The following KCNK10 variants were observed in gnomAD, a reference collection of about 807,000 sequenced individuals.
KCNK10 encodes the protein potassium channel subfamily K member 10.
Under a neutral mutation model 47.7 loss-of-function variants are expected in KCNK10, and 25 were observed. The ratio of observed to expected loss-of-function variants is 0.52; its 90% CI spans 0.38 to 0.73. KCNK10 has a LOEUF of 0.73. Among genes scored for constraint, KCNK10 ranks in the 30% least tolerant of loss-of-function variants. The pLI is 0.00. For missense variants in KCNK10, 563 were observed against 714.5 expected, an observed-to-expected ratio of 0.79 and a Z score of 2.42; for synonymous variants, 303 against 285.6, an observed-to-expected ratio of 1.06 and a Z score of -0.61.
intron 3 of KCNK10, among the ~76,000 whole-genome samples, chr14:88,236,281 T>A (rs1337201467): frequency 6.6e-6 from 1 of 151,472 alleles, no homozygotes; most frequent in Non-Finnish European, 1.5e-5. Context: ...CATACCACTG[T>A]ACTCCAGCCT....
At chr14:88,189,249 G>A (rs777112588) in intron 5 of KCNK10, among the ~76,000 whole-genome samples, 12 of 152,168 alleles carry the variant, frequency 7.9e-5, no homozygotes, top group Admixed American at 3.9e-4. Context: ...CATGAGGCTC[G>A]ACAGCTGCTG....
chr14:88,181,161 C>G lies in KCNK10; in HGVS notation c.*4374G>C. ...CAGAAACCCTGGTACACACTGGATG[C>G]TTCATATTCTCACCAAATCCAGTGG... On this transcript the variant is annotated 3_prime_UTR_variant, in exon 7 of 7. Transcript: ENST00000319231. The G allele has an allele frequency of 4.5e-6, 1 of 221,850 alleles. No homozygotes were observed. Among genetic ancestry groups the G allele is most frequent in the East Asian group, 9.0e-5 (1 of 11,102 alleles). 13.7% of individuals were successfully genotyped at this position (221,850 alleles called of 1,614,324 possible). A position where few individuals can be genotyped will look rare whatever the true frequency, so the allele number is the denominator to read the frequency against.
rs745846560 is a variant in KCNK10 at position 88,188,101 on chromosome 14, C to A, written c.877G>T (p.Ala293Ser). Residue 293 changes from alanine to serine, a missense_variant, in exon 6 of 7, where the codon GCT (alanine) becomes TCT (serine). By Grantham distance (99) the Ala-to-Ser change is moderately conservative. Transcript: ENST00000319231. ...GFGDFVAGGN[A>S]GINYREWYKP... ...TACCACTCCCGATAATTGATGCCAGCGTTTCCCCCTGAAAACAACCAAATG... is the reference window on the plus strand; with the variant it reads ...TACCACTCCCGATAATTGATGCCAGAGTTTCCCCCTGAAAACAACCAAATG... The A allele has an allele frequency of 2.7e-5, 44 of 1,614,054 alleles. No individual in the cohort carries two copies. Among genetic ancestry groups the A allele is most frequent in the Non-Finnish European group, 3.3e-5 (39 of 1,180,022 alleles).
intron 4 of KCNK10, among the ~76,000 whole-genome samples, chr14:88,218,242 G>T (rs1032055686): frequency 5.3e-5 from 8 of 152,154 alleles, no homozygotes; most frequent in Non-Finnish European, 1.0e-4. Flanking sequence ...GAAGCTTCCT[G>T]CCAATTGTGT....
intron 4 of KCNK10, among the ~76,000 whole-genome samples, chr14:88,217,204 T>C (rs1042160534): frequency 2.0e-5 from 3 of 152,164 alleles, no homozygotes; most frequent in African/African-American, 7.2e-5. Flanking sequence ...TTAATCCTAC[T>C]GAGTTAGTTG....
chr14:88,191,578 C>T (rs1402665647), intron 5 of KCNK10, among the ~76,000 whole-genome samples: 2 of 152,190 alleles, frequency 1.3e-5, no homozygotes, highest in African/African-American at 2.4e-5. Context: ...TTTGCAATTT[C>T]CCTGGCCCTA....
Position 88,195,785 on chromosome 14 carries a change from G to A in KCNK10, c.682-3375C>T, listed in dbSNP as rs142077199. Among the ~76,000 whole-genome samples the A allele has an allele frequency of 3.8e-3, 573 of 152,206 alleles. 3 individuals are homozygous for A. Among genetic ancestry groups the A allele is most frequent in the Non-Finnish European group, 6.2e-3 (419 of 68,024 alleles). On this transcript the variant is annotated intron_variant, in intron 4 of 6. Transcript: ENST00000319231. ...GCCAAGAATTGCAGATAACGTTTGC[G>A]ATGTCAGGAACCAGCTGCAGAGGGA...
At chr14:88,265,374 A>G (rs556922995) in intron 1 of KCNK10, among the ~76,000 whole-genome samples, 1 of 152,240 alleles carries the variant, frequency 6.6e-6, no homozygotes, top group East Asian at 1.9e-4. Flanking sequence ...ACAGATACAC[A>G]GGTTGGAGTG....
upstream of KCNK10, chr14:88,323,831 CCTT>C (rs1173640940): frequency 6.6e-6 from 1 of 152,438 alleles, no homozygotes; most frequent in Non-Finnish European, 1.5e-5. Context: ...AGCTCTCCCT[CCTT>C]CTCTTTTCTC....
At position 88,240,755 on chromosome 14, in the gene KCNK10, G is replaced by A; in HGVS notation, c.468C>T (p.His156=). ...AGAAAAAGGCACTGCCGAGGTCCCAGTGGCTGCTGTTGTTGGAAGAGTTTC... is the reference window on the plus strand; with the variant it reads ...AGAAAAAGGCACTGCCGAGGTCCCAATGGCTGCTGTTGTTGGAAGAGTTTC... ...PIGNSSNNSS[H]WDLGSAFFFA... is the part of the protein sequence containing the mutation. Residue 156 remains histidine (H), a synonymous_variant, in exon 3 of 7, where the codon CAC becomes CAT. Coordinates refer to ENST00000319231, the MANE Select transcript of KCNK10 (RefSeq NM_138317.3). 1 of 1,613,966 alleles carries A rather than the reference G, an allele frequency of 6.2e-7. No homozygotes were observed. Among genetic ancestry groups the A allele is most frequent in the Non-Finnish European group, 8.5e-7 (1 of 1,179,866 alleles).
At position 88,314,858 on chromosome 14, in the gene KCNK10, G is replaced by A. The variant is rs775511932; in HGVS notation, c.52+7889C>T. On this transcript the variant is annotated intron_variant, in intron 1 of 6. Transcript: ENST00000319231. ...GTAATCCACATAACAAACCAAAGAA[G>A]TAATGGCTGTAATTATCCCTATCTT... 5.3e-5 allele frequency among the ~76,000 whole-genome samples: 8 copies of A among 152,332 alleles called. No individual in the cohort carries two copies. In the East Asian group the frequency reaches 1.3e-3, roughly 26 times the overall value.
chr14:88,261,613 G>A (rs1379920593), intron 2 of KCNK10, among the ~76,000 whole-genome samples: 1 of 152,108 alleles, frequency 6.6e-6, no homozygotes, highest in Non-Finnish European at 1.5e-5. Flanking sequence ...AAGTAGCCAG[G>A]CATGGTGGCA....
Position 88,322,122 on chromosome 14 carries a change from C to T in KCNK10, c.52+625G>A, listed in dbSNP as rs1888558710. Among the ~76,000 whole-genome samples the T allele has an allele frequency of 6.6e-6, 1 of 152,186 alleles. No homozygotes were observed. Among genetic ancestry groups the T allele is most frequent in the South Asian group, 2.1e-4 (1 of 4,826 alleles). ...TCCCCTATGCCTTGCCAGCCCCACC[C>T]TTCTCACAAACCACCCCTCCTCCTG... is the stretch of plus-strand genomic sequence containing the variant. On this transcript the variant is annotated intron_variant, in intron 1 of 6. Coordinates refer to ENST00000319231, the MANE Select transcript of KCNK10 (RefSeq NM_138317.3). The surrounding 1 kb of genome is among the most constrained non-coding windows in gnomAD (Gnocchi z 4.8).
At chr14:88,269,857 T>C (rs1887360384) in intron 1 of KCNK10, among the ~76,000 whole-genome samples, 1 of 152,140 alleles carries the variant, frequency 6.6e-6, no homozygotes, top group South Asian at 2.1e-4. Flanking sequence ...TATGACAAGC[T>C]AACAAGCAGG....
At chr14:88,212,130 A>ATATATATATATATATATATATC (rs1276083938) in intron 4 of KCNK10, among the ~76,000 whole-genome samples, 1 of 66,542 alleles carries the variant, frequency 1.5e-5, no homozygotes, top group East Asian at 4.3e-4. Context: ...ATATATATAT[A>ATATATATATATATATATATATC]TCGAGAGAGA....
At chr14:88,252,450 G>T (rs916376980) in intron 2 of KCNK10, among the ~76,000 whole-genome samples, 2 of 152,172 alleles carry the variant, frequency 1.3e-5, no homozygotes, top group East Asian at 1.9e-4. Context: ...AGTGACTCGG[G>T]TCTTGGCAGA....
chr14:88,197,152 T>C (rs561940028), intron 4 of KCNK10, among the ~76,000 whole-genome samples: 136 of 152,330 alleles, frequency 8.9e-4, no homozygotes, highest in African/African-American at 3.2e-3. Context: ...AAGACACCTA[T>C]GACAGACTGG....
chr14:88,192,248 C>T lies in KCNK10; in HGVS notation c.844G>A (p.Val282Met). The T allele has an allele frequency of 6.2e-7, 1 of 1,613,484 alleles. No homozygotes were observed. The highest frequency in any genetic ancestry group is 1.1e-5 in the South Asian group (1 of 90,958). Residue 282 changes from valine to methionine, a missense_variant, in exon 5 of 7, where the codon GTG becomes ATG. Physicochemically the swap from Val to Met is conservative, Grantham distance 21. Transcript: ENST00000319231. ...CCTGCCACAAAATCACCAAAGCCCA[C>T]CGTGGTCAGAGTGACCACCACAAAG... ...IYFVVVTLTT[V>M]GFGDFVAGGN... is the part of the protein sequence containing the mutation.
intron 1 of KCNK10, among the ~76,000 whole-genome samples, chr14:88,302,534 AC>A (rs1173477304): frequency 2.6e-5 from 4 of 152,126 alleles, no homozygotes; most frequent in Non-Finnish European, 4.4e-5. Context: ...ACATGGTGAA[AC>A]CCTGTCTCTA....
Sources: gnomAD v4.1 joint callset for allele counts (sites outside exome capture counted in the v4.1 genomes callset) on GRCh38, gnomAD v4.1.1 for gene constraint, Gnocchi (gnomAD v3.1) non-coding constraint, MANE v1.5 for transcripts, NCBI Gene and HGNC (gene_info 2026-07-23, HGNC 2026-07-21) for gene names.